MYO3A: variants seen among roughly 807,000 people sequenced by gnomAD.
The protein encoded by MYO3A is myosin IIIA, also known as myosin-IIIa.
In MYO3A, 180 loss-of-function variants were observed where a neutral mutation model predicts 192.7. The ratio of observed to expected loss-of-function variants is 0.93; its 90% CI spans 0.83 to 1.06. The LOEUF is 1.06. MYO3A is among the 50% of genes least tolerant of loss of function. The pLI is 0.00. For missense variants in MYO3A, 1,896 were observed against 1,905.0 expected (o/e 1.00, Z 0.09); for synonymous variants, 628 against 645.3 (o/e 0.97, Z 0.41).
chr10:26,144,504 G>A (rs1002568467), intron 21 of MYO3A, among the ~76,000 whole-genome samples: 2 of 151,662 alleles, frequency 1.3e-5, no homozygotes, highest in Middle Eastern at 3.2e-3. Flanking sequence ...TCATTTCATA[G>A]CAGTCAGTTG....
chr10:25,965,230 ACT>A (rs1315653879), intron 4 of MYO3A, among the ~76,000 whole-genome samples: 1 of 151,904 alleles, frequency 6.6e-6, no homozygotes, highest in Non-Finnish European at 1.5e-5. Context: ...AAGGCCAATA[ACT>A]CTTAGATTTG....
At chr10:26,068,237 G>A (rs1834972933) in intron 11 of MYO3A, among the ~76,000 whole-genome samples, 1 of 151,968 alleles carries the variant, frequency 6.6e-6, no homozygotes, top group Non-Finnish European at 1.5e-5. Flanking sequence ...TACTGTAAAT[G>A]GTGGTTTCCG....
At chr10:25,983,004 C>T (rs1291086716) in intron 4 of MYO3A, among the ~76,000 whole-genome samples, 1 of 151,986 alleles carries the variant, frequency 6.6e-6, no homozygotes, top group East Asian at 1.9e-4. Context: ...ATCAAGGAGG[C>T]ACCAGAGATA....
intron 6 of MYO3A, among the ~76,000 whole-genome samples, chr10:26,012,812 CA>C (rs986933823): frequency 2.0e-5 from 3 of 151,618 alleles, no homozygotes; most frequent in African/African-American, 7.3e-5. Context: ...CAAAACAATA[CA>C]AAAAAACTGA....
intron 10 of MYO3A, among the ~76,000 whole-genome samples, chr10:26,042,842 A>G (rs1340889049): frequency 6.6e-6 from 1 of 152,184 alleles, no homozygotes; most frequent in Admixed American, 6.5e-5. Context: ...TGGTGAGGTC[A>G]TGTTTCCCTG....
At chr10:25,973,097 A>G (rs183380717) in intron 4 of MYO3A, among the ~76,000 whole-genome samples, 4,582 of 152,240 alleles carry the variant, frequency 0.03, 214 homozygotes, top group African/African-American at 0.1. Context: ...CATGACATTG[A>G]TTCTTTCCAT....
At position 26,198,807 on chromosome 10, in the gene MYO3A, T is replaced by C. The variant is rs1230834723; in HGVS notation, c.4546-2458T>C. Among the ~76,000 whole-genome samples the C allele has an allele frequency of 1.3e-5, 2 of 152,198 alleles. 1 individual carries two copies. Among genetic ancestry groups the C allele is most frequent in the African/African-American group, 4.8e-5 (2 of 41,444 alleles). On this transcript the variant is annotated intron_variant, in intron 32 of 34. Transcript: ENST00000642920. ...CAAGCCAGAAAATCTACGTGAGTCATGTTTGTCTCCTCTTTCTTTCTTTTC... is the reference window on the plus strand; with the variant it reads ...CAAGCCAGAAAATCTACGTGAGTCACGTTTGTCTCCTCTTTCTTTCTTTTC...
chr10:26,021,728 T>C (rs1368792995), intron 8 of MYO3A, 80 bp downstream of exon 8: 42 of 1,558,172 alleles, frequency 2.7e-5, no homozygotes, highest in African/African-American at 5.4e-5. Context: ...ATGCTCTTCA[T>C]GGAGACGTTC....
At chr10:25,949,406 C>A (rs964857706) in intron 2 of MYO3A, among the ~76,000 whole-genome samples, 2 of 151,988 alleles carry the variant, frequency 1.3e-5, no homozygotes, top group African/African-American at 4.8e-5. Context: ...CTATTTCAGA[C>A]CTTTAACAAG....
At chr10:26,019,233 T>G (rs140462622) in intron 7 of MYO3A, among the ~76,000 whole-genome samples, 1 of 43,234 alleles carries the variant, frequency 2.3e-5, no homozygotes, top group African/African-American at 7.3e-5. Flanking sequence ...ATTTATTTAT[T>G]TATTTATTTA....
intron 6 of MYO3A, among the ~76,000 whole-genome samples, chr10:26,012,976 G>A (rs550672049): frequency 6.6e-5 from 10 of 151,968 alleles, no homozygotes; most frequent in African/African-American, 1.7e-4. Flanking sequence ...AGCCAAATAC[G>A]TACAGCCAAC....
Position 26,174,493 on chromosome 10 carries a change from A to G in MYO3A, c.4229A>G (p.Asp1410Gly), listed in dbSNP as rs1842217222. The G allele has an allele frequency of 6.2e-7, 1 of 1,614,134 alleles. No individual in the cohort carries two copies. Among genetic ancestry groups the G allele is most frequent in the African/African-American group, 1.3e-5 (1 of 75,036 alleles). ...GAAATCAATAACATCAAGAAGAAGG[A>G]TAACAAAGACTCGAAAGCAACTTCA... ...HEEINNIKKK[D>G]NKDSKATSER... is the part of the protein sequence containing the mutation. The change falls in exon 30 of 35, where the codon GAT becomes GGT. Residue 1410 changes from aspartate to glycine, a missense_variant. Coordinates refer to ENST00000642920, the MANE Select transcript of MYO3A (RefSeq NM_017433.5).
chr10:26,194,378 C>G (rs541169525), intron 32 of MYO3A, among the ~76,000 whole-genome samples: 1 of 152,128 alleles, frequency 6.6e-6, no homozygotes, highest in South Asian at 2.1e-4. Flanking sequence ...TTCTTGTCCT[C>G]GAGCCATAGT....
At chr10:25,961,889 T>G (rs941099597) in intron 4 of MYO3A, among the ~76,000 whole-genome samples, 2 of 152,286 alleles carry the variant, frequency 1.3e-5, no homozygotes, top group African/African-American at 4.8e-5. Context: ...TAAATTATTT[T>G]GCATGAGGGT....
At chr10:26,171,207 A>G (rs1431018074) in intron 29 of MYO3A, among the ~76,000 whole-genome samples, 3 of 152,156 alleles carry the variant, frequency 2.0e-5, no homozygotes, top group African/African-American at 7.2e-5. Context: ...AAAAATATCT[A>G]CATTTTGCCC....
At chr10:26,195,068 C>G (rs1429754830) in intron 32 of MYO3A, among the ~76,000 whole-genome samples, 2 of 152,130 alleles carry the variant, frequency 1.3e-5, no homozygotes, top group African/African-American at 4.8e-5. Context: ...AAAAGAAACT[C>G]ATTAGAAGTC....
intron 14 of MYO3A, among the ~76,000 whole-genome samples, chr10:26,076,801 C>G (rs1232664461): frequency 6.6e-6 from 1 of 151,958 alleles, no homozygotes; most frequent in East Asian, 1.9e-4. Context: ...GATCAGTTGG[C>G]TGTAAGTATT....
At chr10:26,153,282 A>C (rs1411643947) in intron 23 of MYO3A, among the ~76,000 whole-genome samples, 1 of 152,216 alleles carries the variant, frequency 6.6e-6, no homozygotes, top group Non-Finnish European at 1.5e-5. Context: ...ACACAGTTTA[A>C]GTACTATACC....
intron 4 of MYO3A, among the ~76,000 whole-genome samples, chr10:25,969,176 T>A (rs1838461451): frequency 6.6e-6 from 1 of 152,110 alleles, no homozygotes; most frequent in African/African-American, 2.4e-5. Flanking sequence ...GAACTTGCAG[T>A]GAGCCGAGAT....
Sources: allele counts gnomAD v4.1 joint callset (sites outside exome capture counted in the v4.1 genomes callset), GRCh38; gene constraint gnomAD v4.1.1; transcripts MANE v1.5; gene names NCBI Gene and HGNC (gene_info 2026-07-23, HGNC 2026-07-21).